The following DRC1 variants were observed in gnomAD, a reference collection of about 807,000 sequenced individuals.
DRC1 encodes the protein dynein regulatory complex protein 1.
Under a neutral mutation model 98.7 loss-of-function variants are expected in DRC1, and 74 were observed. The observed-to-expected ratio is 0.75, with a 90% CI of 0.62 to 0.91. The LOEUF (loss-of-function observed/expected upper bound fraction) is 0.91. DRC1 is among the 40% of genes least tolerant of loss of function. The probability of loss-of-function intolerance (pLI) is 0.00; values close to 1 mark genes in which losing one functional copy is unlikely to be tolerated. For missense variants in DRC1, 875 were observed against 886.0 expected (o/e 0.99, Z 0.16); for synonymous variants, 336 against 334.1 (o/e 1.01, Z -0.06).
chr2:26,410,827 CAACAA>C (rs149560827), intron 1 of DRC1, among the ~76,000 whole-genome samples: 61 of 151,720 alleles, frequency 4.0e-4, no homozygotes, highest in African/African-American at 1.4e-3. Context: ...AAACAAAACA[CAACAA>C]AACAAAACAA....
chr2:26,414,799 C>T (rs1346355198), intron 2 of DRC1, among the ~76,000 whole-genome samples: 1 of 152,170 alleles, frequency 6.6e-6, no homozygotes, highest in Non-Finnish European at 1.5e-5. Context: ...TCCACTCACT[C>T]CCCTCCAGTG....
chr2:26,450,124 C>T (rs1663965103), intron 12 of DRC1, 39 bp downstream of exon 12: 3 of 1,580,514 alleles, frequency 1.9e-6, no homozygotes, highest in African/African-American at 1.4e-5. Flanking sequence ...GGTGGGGCTG[C>T]AGCCGGCCGT....
intron 14 of DRC1, among the ~76,000 whole-genome samples, chr2:26,453,845 AGCACATTCAAG>A (rs1467664661): frequency 1.3e-5 from 2 of 152,258 alleles, no homozygotes; most frequent in Non-Finnish European, 2.9e-5. Flanking sequence ...TAATGGTCAA[AGCACATTCAAG>A]GTGCACCATT....
At position 26,456,576 on chromosome 2, in the gene DRC1, G is replaced by T; in HGVS notation, c.*59G>T. 6.2e-7 allele frequency: 1 copy of T among 1,603,246 alleles called. No individual in the cohort carries two copies. The highest frequency in any genetic ancestry group is 8.5e-7 in the Non-Finnish European group (1 of 1,170,860). On this transcript the variant is annotated 3_prime_UTR_variant, in exon 17 of 17. Transcript: ENST00000288710. ...GCCTGATGCTGGTGTCTGTGCCGGA[G>T]CCAGCTCATATCACCCACTGGGCCG...
rs1439274624 is a variant in DRC1 at position 26,428,440 on chromosome 2, T to TC, written c.541-1188_541-1187insC. On this transcript the variant is annotated intron_variant, in intron 4 of 16. Transcript: ENST00000288710. ...CTGTCCGGAATGCTACTGTACTGAA[T>TC]ACTGTAAGCAGTTGTAACGCAGTGC... Among the ~76,000 whole-genome samples the TC allele has an allele frequency of 8.5e-5, 13 of 152,238 alleles. 1 individual carries two copies.
At chr2:26,429,859 G>A in intron 5 of DRC1, 94 bp downstream of exon 5, 1 of 1,341,944 alleles carries the variant, frequency 7.5e-7, no homozygotes, top group Non-Finnish European at 1.0e-6. Flanking sequence ...GGCCCTACAT[G>A]ACTTCTCTGT....
intron 1 of DRC1, among the ~76,000 whole-genome samples, chr2:26,405,721 C>T (rs922937802): frequency 3.7e-5 from 5 of 136,754 alleles, no homozygotes; most frequent in African/African-American, 1.2e-4. Context: ...AATGCAGTGG[C>T]GCAGTCTTGG....
chr2:26,403,790 C>A (rs1326703366), intron 1 of DRC1, among the ~76,000 whole-genome samples: 3 of 92,358 alleles, frequency 3.2e-5, no homozygotes, highest in East Asian at 9.4e-4. Flanking sequence ...CACAAAACTC[C>A]ATCTCAAAAA....
chr2:26,426,344 T>C (rs960994784), intron 4 of DRC1, among the ~76,000 whole-genome samples: 1 of 151,946 alleles, frequency 6.6e-6, no homozygotes, highest in Non-Finnish European at 1.5e-5. Flanking sequence ...TAATTCCTGT[T>C]GCTCTTTGCA....
chr2:26,412,854 C>T (rs1678661568), intron 1 of DRC1, among the ~76,000 whole-genome samples: 2 of 152,158 alleles, frequency 1.3e-5, no homozygotes, highest in Non-Finnish European at 2.9e-5. Context: ...CTCGGCTCGG[C>T]TCACTGCAAG....
chr2:26,428,783 G>A (rs1384724361), intron 4 of DRC1, among the ~76,000 whole-genome samples: 1 of 151,568 alleles, frequency 6.6e-6, no homozygotes. Context: ...GGGCAACAGA[G>A]CAAGACTCTG....
At chr2:26,434,688 G>T (rs1024565056) in intron 7 of DRC1, among the ~76,000 whole-genome samples, 1 of 152,082 alleles carries the variant, frequency 6.6e-6, no homozygotes, top group South Asian at 2.1e-4. Context: ...TCGGGAGATC[G>T]AGATCATCCT....
chr2:26,402,240 AGGCAGAGTATG>A, intron 1 of DRC1, 96 bp downstream of exon 1: 3 of 1,449,976 alleles, frequency 2.1e-6, no homozygotes, highest in Non-Finnish European at 2.7e-6. Flanking sequence ...GGGAAGGTTC[AGGCAGAGTATG>A]GGAAAGTAAA....
chr2:26,410,259 A>ATTT (rs1678562257), intron 1 of DRC1, among the ~76,000 whole-genome samples: 1 of 147,684 alleles, frequency 6.8e-6, no homozygotes, highest in South Asian at 2.1e-4. Flanking sequence ...TATTATTATT[A>ATTT]TTATTATTAT....
intron 8 of DRC1, among the ~76,000 whole-genome samples, chr2:26,442,891 C>A (rs1663754168): frequency 6.6e-6 from 1 of 152,172 alleles, no homozygotes; most frequent in African/African-American, 2.4e-5. Context: ...CTTGCCCAGA[C>A]CTTCAGTATG....
intron 7 of DRC1, among the ~76,000 whole-genome samples, chr2:26,434,451 C>T (rs758612847): frequency 1.7e-4 from 26 of 152,320 alleles, no homozygotes; most frequent in Non-Finnish European, 2.9e-4. Context: ...TCAGCTTAAA[C>T]TTAGGGGCTG....
intron 2 of DRC1, among the ~76,000 whole-genome samples, chr2:26,415,934 TCAA>T (rs1678785540): frequency 9.6e-6 from 1 of 104,080 alleles, no homozygotes. Context: ...TCTTTCTCTT[TCAA>T]AAAAAAAAAA....
chr2:26,433,421 A>C (rs1663489794), intron 7 of DRC1, among the ~76,000 whole-genome samples: 1 of 152,236 alleles, frequency 6.6e-6, no homozygotes, highest in Non-Finnish European at 1.5e-5. Context: ...GAATTTTCCC[A>C]GGTCCTTCTC....
In DRC1 at chr2:26,448,746, G is replaced by T. The variant is rs1417232935; in HGVS notation, c.1452G>T (p.Pro484=). The change falls in exon 11 of 17, where the codon CCG becomes CCT. Residue 484 remains proline (P), a synonymous_variant. Coordinates refer to ENST00000288710, the MANE Select transcript of DRC1 (RefSeq NM_145038.5). ...AAEPESYLDL[P]KQISEKTTKR... ...AACCAGAGTCCTACCTGGATTTGCCGAAGCAAATTTCTGAAAAAACTACCA... is the reference window on the plus strand; with the variant it reads ...AACCAGAGTCCTACCTGGATTTGCCTAAGCAAATTTCTGAAAAAACTACCA... The T allele has an allele frequency of 6.2e-7, 1 of 1,614,102 alleles. No individual in the cohort carries two copies. Among genetic ancestry groups the T allele is most frequent in the East Asian group, 2.2e-5 (1 of 44,894 alleles).
Sources: gnomAD v4.1 joint callset for allele counts (sites outside exome capture counted in the v4.1 genomes callset) on GRCh38, gnomAD v4.1.1 for gene constraint, MANE v1.5 for transcripts, NCBI Gene and HGNC (gene_info 2026-07-23, HGNC 2026-07-21) for gene names.